KIAA0753: variants seen among roughly 807,000 people sequenced by gnomAD.
KIAA0753 encodes the protein protein moonraker.
KIAA0753 carries 114 observed loss-of-function variants against 116.9 expected under a neutral mutation model. The observed-to-expected ratio is 0.98, with a 90% CI of 0.84 to 1.14. The LOEUF is 1.14. Among genes scored for constraint, KIAA0753 ranks in the 50% most tolerant of loss-of-function variants. The probability of loss-of-function intolerance (pLI) is 0.00; values close to 1 mark genes in which losing one functional copy is unlikely to be tolerated. For synonymous variants in KIAA0753, 405 were observed against 413.1 expected, an observed-to-expected ratio of 0.98 and a Z score of 0.24; for missense variants, 1,156 against 1,172.4, an observed-to-expected ratio of 0.99 and a Z score of 0.20.
intron 13 of KIAA0753, 91 bp from the exon 14 acceptor site, chr17:6,599,411 G>T: frequency 2.3e-6 from 2 of 882,668 alleles, no homozygotes; most frequent in Non-Finnish European, 3.6e-6. Context: ...GACTTGTGTG[G>T]AACTATTCAT....
chr17:6,634,305 T>C (rs1420473746), intron 2 of KIAA0753, among the ~76,000 whole-genome samples: 1 of 152,126 alleles, frequency 6.6e-6, no homozygotes, highest in Non-Finnish European at 1.5e-5. Flanking sequence ...GGTTTCACTA[T>C]GTTAGTCAGG....
chr17:6,634,760 A>G (rs1972207638), intron 2 of KIAA0753: 1 of 395,036 alleles, frequency 2.5e-6, no homozygotes, highest in East Asian at 4.4e-5. Flanking sequence ...TAGTATCATG[A>G]TTAAGTAGGA....
chr17:6,610,474 A>C (rs2150832233), intron 8 of KIAA0753, among the ~76,000 whole-genome samples: 1 of 150,010 alleles, frequency 6.7e-6, no homozygotes, highest in East Asian at 2.0e-4. Context: ...AAAAAATTTC[A>C]TACCATATTG....
At chr17:6,607,037 C>T (rs1038983148) in intron 11 of KIAA0753, 75 bp from the exon 12 acceptor site, 33 of 1,485,918 alleles carry the variant, frequency 2.2e-5, no homozygotes, top group Middle Eastern at 1.7e-4. Flanking sequence ...CCAGTCTTGG[C>T]TCCCCCCTTG....
rs887027429 is a variant in KIAA0753 at position 6,589,814 on chromosome 17, A to G, written c.2751T>C (p.Ala917=). ...TCAGCCACGGGTTGAAGGAGCCTAC[A>G]GCCTCATGAGATATGATCCGAAGGT... ...EQYLRIISHE[A]VGSFNPWLIA... The change falls in exon 18 of 19, where the codon GCT becomes GCC. Residue 917 remains alanine (A), a synonymous_variant. Transcript: ENST00000361413. The G allele has an allele frequency of 4.9e-5, 79 of 1,613,596 alleles. No individual in the cohort carries two copies. The highest frequency in any genetic ancestry group is 6.3e-5 in the Non-Finnish European group (74 of 1,179,862).
Position 6,578,379 on chromosome 17 carries a change from C to A in KIAA0753, c.*1368G>T, listed in dbSNP as rs1340922008. 3 of 152,156 alleles carry A rather than the reference C, an allele frequency of 2.0e-5. No homozygotes were observed. In the East Asian group the frequency reaches 5.8e-4, roughly 29 times the overall value. The allele number at this position is 152,156 out of a possible 1,614,324, so 9.4% of individuals were successfully genotyped here. On this transcript the variant is annotated 3_prime_UTR_variant, in exon 19 of 19. Transcript: ENST00000361413. ...ACTCAGCACAGTACAAACTGCCACA[C>A]AAATTACTTTATACTAGCAACAACC... is the stretch of plus-strand genomic sequence containing the variant.
chr17:6,621,419 A>T (rs1409590716), intron 6 of KIAA0753, among the ~76,000 whole-genome samples: 2 of 152,232 alleles, frequency 1.3e-5, no homozygotes, highest in Non-Finnish European at 2.9e-5. Context: ...ACTAAAGACC[A>T]CTTAATAGGT....
At chr17:6,615,167 T>G (rs944972033) in intron 7 of KIAA0753, among the ~76,000 whole-genome samples, 8 of 152,160 alleles carry the variant, frequency 5.3e-5, no homozygotes, top group African/African-American at 1.4e-4. Flanking sequence ...ACTCCTGACC[T>G]CAGGTGATCC....
intron 7 of KIAA0753, among the ~76,000 whole-genome samples, chr17:6,615,687 A>G (rs76380773): frequency 0.02 from 3,083 of 151,378 alleles, 102 homozygotes; most frequent in African/African-American, 0.07. Flanking sequence ...AAGCTTATAT[A>G]CATCAAAGCA....
intron 10 of KIAA0753, among the ~76,000 whole-genome samples, 195 bp from the exon 11 acceptor site, chr17:6,607,465 A>C (rs968973709): frequency 1.3e-5 from 2 of 152,212 alleles, no homozygotes; most frequent in Admixed American, 6.5e-5. Flanking sequence ...AAAAAACATT[A>C]ATGCACAACG....
At chr17:6,585,271 T>C (rs1218366976) in intron 18 of KIAA0753, among the ~76,000 whole-genome samples, 1 of 152,236 alleles carries the variant, frequency 6.6e-6, no homozygotes, top group Non-Finnish European at 1.5e-5. Flanking sequence ...TCTGGAATCT[T>C]TTGTCATCTT....
chr17:6,618,010 G>A (rs1419899413), intron 7 of KIAA0753, among the ~76,000 whole-genome samples: 1 of 152,120 alleles, frequency 6.6e-6, no homozygotes, highest in Non-Finnish European at 1.5e-5. Context: ...GCTGAGGCAG[G>A]AGAATCACTT....
In KIAA0753 at chr17:6,579,663, G is replaced by T; in HGVS notation, c.*84C>A. The T allele has an allele frequency of 1.1e-6, 1 of 926,668 alleles. No individual in the cohort carries two copies. The allele number at this position is 926,668 out of a possible 1,614,324, so 57.4% of individuals were successfully genotyped here. On this transcript the variant is annotated 3_prime_UTR_variant, in exon 19 of 19. Transcript: ENST00000361413. ...TTCTGGGCCTGGATGGACAGCTGAG[G>T]ATGAAAATTTCCTGTGGGCCAAAAC...
intron 7 of KIAA0753, 58 bp from the exon 8 acceptor site, chr17:6,612,206 G>T: frequency 7.8e-7 from 1 of 1,286,632 alleles, no homozygotes. Flanking sequence ...TCAAATTGCT[G>T]AGAATGATTA....
In KIAA0753 at chr17:6,589,985, C is replaced by G. The variant is rs184069349; in HGVS notation, c.2580G>C (p.Val860=). The G allele has an allele frequency of 8.3e-5, 131 of 1,570,558 alleles. No homozygotes were observed. The African/African-American group carries it at 1.7e-3, about 20-fold the overall frequency. ...TTTTCTCTGATCCTTCCTCTGTTCC[C>G]ACACTTTCATCCAGGGAACTGAGAA... ...PCNGNSLDES[V]GTEEGSEKRE... Residue 860 remains valine (V), a synonymous_variant, in exon 18 of 19, where the codon GTG becomes GTC. Transcript: ENST00000361413.
Position 6,579,696 on chromosome 17 carries a change from G to T in KIAA0753, c.*51C>A. ...TTTCCTGTGGGCCAAAACAAAGGGTGGTGCCATCCCTTCTCCAGTGTGACA... is the reference window on the plus strand; with the variant it reads ...TTTCCTGTGGGCCAAAACAAAGGGTTGTGCCATCCCTTCTCCAGTGTGACA... On this transcript the variant is annotated 3_prime_UTR_variant, in exon 19 of 19. Transcript: ENST00000361413. 1 of 1,260,726 alleles carries T rather than the reference G, an allele frequency of 7.9e-7. No individual in the cohort carries two copies. The highest frequency in any genetic ancestry group is 1.2e-6 in the Non-Finnish European group (1 of 863,124). The allele number at this position is 1,260,726 out of a possible 1,614,324, so 78.1% of individuals were successfully genotyped here. A position where few individuals can be genotyped will look rare whatever the true frequency, so the allele number is the denominator to read the frequency against.
In KIAA0753 at chr17:6,629,838, C is replaced by T. The variant is rs937803578; in HGVS notation, c.94-1097G>A. On this transcript the variant is annotated intron_variant, in intron 2 of 18. Coordinates refer to ENST00000361413, the MANE Select transcript of KIAA0753 (RefSeq NM_014804.3). ...TTTTAAAAAGTAGTTAGAAAGCTCA[C>T]TAAAGAAAAAACAAATAGGTACCAT... Among the ~76,000 whole-genome samples, 6 of 152,240 alleles carry T rather than the reference C, an allele frequency of 3.9e-5. No homozygotes were observed. In the East Asian group the frequency reaches 1.2e-3, roughly 29 times the overall value.
intron 12 of KIAA0753, among the ~76,000 whole-genome samples, chr17:6,603,889 C>T (rs1001298609): frequency 6.6e-6 from 1 of 152,164 alleles, no homozygotes; most frequent in African/African-American, 2.4e-5. Flanking sequence ...TGGCCACATG[C>T]CAGCAAAGAC....
intron 1 of KIAA0753, chr17:6,638,852 C>T (rs939685680): frequency 1.2e-4 from 19 of 153,042 alleles, no homozygotes; most frequent in Admixed American, 3.3e-4. Flanking sequence ...TTCCCCAAGG[C>T]CCTGGGTACC....
Sources: allele counts gnomAD v4.1 joint callset (sites outside exome capture counted in the v4.1 genomes callset), GRCh38; gene constraint gnomAD v4.1.1; transcripts MANE v1.5; gene names NCBI Gene and HGNC (gene_info 2026-07-23, HGNC 2026-07-21).